Variants in NEK4 observed in about 807,000 individuals in gnomAD.
NEK4 encodes the protein NIMA related kinase 4.
A neutral mutation model predicts 98.4 loss-of-function variants in NEK4; 86 were observed. The ratio of observed to expected loss-of-function variants is 0.87; its 90% confidence interval spans 0.73 to 1.05. The LOEUF is 1.05. Among genes scored for constraint, NEK4 ranks in the 50% least tolerant of loss-of-function variants. NEK4 has a pLI of 0.00. For synonymous variants in NEK4, 328 were observed against 342.2 expected, an observed-to-expected ratio of 0.96 and a Z score of 0.46; for missense variants, 898 against 950.3, an observed-to-expected ratio of 0.94 and a Z score of 0.72.
At position 52,710,907 on chromosome 3, in the gene NEK4, TAATAA is replaced by T. The variant is rs1173559797; in HGVS notation, c.*865_*869del. 1 of 152,476 alleles carries T rather than the reference TAATAA, an allele frequency of 6.6e-6. No individual in the cohort carries two copies. Among genetic ancestry groups the T allele is most frequent in the Non-Finnish European group, 1.5e-5 (1 of 68,026 alleles). 9.4% of individuals were successfully genotyped at this position (152,476 alleles called of 1,614,324 possible). On this transcript the variant is annotated 3_prime_UTR_variant, in exon 16 of 16. Coordinates refer to ENST00000233027, the MANE Select transcript of NEK4 (RefSeq NM_003157.6). Reference sequence around the variant, plus strand: ...TGGGTATTACCTCTTATTAAACAACTAATAAAATATGTGCTATATAATCATACATT... The same window carrying T: ...TGGGTATTACCTCTTATTAAACAACTAATATGTGCTATATAATCATACATT...
In NEK4 at chr3:52,746,774, T is replaced by C. The variant is rs1485180318; in HGVS notation, c.1637A>G (p.His546Arg). Residue 546 changes from histidine to arginine, a missense_variant, in exon 9 of 16, where the codon CAC becomes CGC. His to Arg is a conservative substitution (Grantham distance 29, BLOSUM62 0). Coordinates refer to ENST00000233027, the MANE Select transcript of NEK4 (RefSeq NM_003157.6). ...RRQKRREQTE[H>R]RGEKRQVRRD... is the part of the protein sequence containing the mutation. Reference sequence around the variant, plus strand: ...GCGGACCTGTCTCTTTTCCCCTCTGTGCTCAGTCTGTTCTCTCCTCTTTTG... The same window carrying C: ...GCGGACCTGTCTCTTTTCCCCTCTGCGCTCAGTCTGTTCTCTCCTCTTTTG... 3.1e-6 allele frequency: 5 copies of C among 1,614,010 alleles called. No individual in the cohort carries two copies. Among genetic ancestry groups the C allele is most frequent in the Non-Finnish European group, 4.2e-6 (5 of 1,180,006 alleles).
At chr3:52,751,905 A>T (rs1267323777) in intron 7 of NEK4, 27 bp downstream of exon 7, 1 of 1,580,156 alleles carries the variant, frequency 6.3e-7, no homozygotes, top group Admixed American at 1.8e-5. Context: ...CTCCAAAACC[A>T]GTATCTCATG....
chr3:52,770,555 A>T, intron 1 of NEK4, 99 bp downstream of exon 1: 4 of 866,428 alleles, frequency 4.6e-6, no homozygotes, highest in Non-Finnish European at 1.8e-6. Flanking sequence ...GCCATCCGAG[A>T]TGAGCCTCTT....
intron 6 of NEK4, among the ~76,000 whole-genome samples, chr3:52,758,658 A>G (rs1399957733): frequency 6.6e-6 from 1 of 152,076 alleles, no homozygotes; most frequent in Non-Finnish European, 1.5e-5. Flanking sequence ...TAAAAACAAA[A>G]AAAAAAATTT....
Position 52,731,484 on chromosome 3 carries a change from G to A in NEK4, c.2433+6102C>T, listed in dbSNP as rs536045121. ...GATAGATATATAGATCAGCGGAATA[G>A]AAATGAGAGTCCAGAAATAAGCCCA... On this transcript the variant is annotated intron_variant, in intron 15 of 15. Transcript: ENST00000233027. Among the ~76,000 whole-genome samples the A allele has an allele frequency of 3.9e-5, 6 of 152,316 alleles. No individual in the cohort carries two copies. The South Asian group carries it at 1.2e-3, about 32-fold the overall frequency.
intron 15 of NEK4, among the ~76,000 whole-genome samples, chr3:52,718,146 C>CT (rs993919018): frequency 2.6e-5 from 4 of 151,870 alleles, no homozygotes; most frequent in African/African-American, 9.7e-5. Flanking sequence ...TCTTTTCCTC[C>CT]TTTTTCCCAC....
intron 15 of NEK4, chr3:52,733,779 C>A: frequency 2.3e-6 from 1 of 432,358 alleles, no homozygotes; most frequent in South Asian, 1.7e-5. Flanking sequence ...AAGTGTAATT[C>A]ATGTGGCAAG....
chr3:52,747,089 A>C (rs966788788), intron 8 of NEK4, among the ~76,000 whole-genome samples, 185 bp from the exon 9 acceptor site: 3 of 152,196 alleles, frequency 2.0e-5, no homozygotes, highest in Admixed American at 2.0e-4. Context: ...ATCACAATGT[A>C]AAGTTCACAA....
rs757250522 is a variant in NEK4, at chr3:52,768,541, C to G, written c.157G>C (p.Glu53Gln). The G allele has an allele frequency of 3.1e-6, 5 of 1,614,068 alleles. No homozygotes were observed. The African/African-American group carries it at 6.7e-5, about 22-fold the overall frequency. ...TTCAACTGAGACAAGAGCTGGGCTT[C>G]CTGTTCAGCAGCTCGCCGCTCTCGG... ...SSRERRAAEQ[E>Q]AQLLSQLKHP... The change falls in exon 2 of 16, where the codon GAA (glutamate) becomes CAA (glutamine). Residue 53 changes from glutamate to glutamine, a missense_variant. Coordinates refer to ENST00000233027, the MANE Select transcript of NEK4 (RefSeq NM_003157.6).
At chr3:52,752,918 AT>A (rs1332242125) in intron 6 of NEK4, among the ~76,000 whole-genome samples, 125 of 103,190 alleles carry the variant, frequency 1.2e-3, no homozygotes, top group African/African-American at 3.1e-3. Context: ...AAAAAAAAAA[AT>A]ATATATATAT....
At chr3:52,753,816 CT>C (rs2097409785) in intron 6 of NEK4, 3 of 462,458 alleles carry the variant, frequency 6.5e-6, no homozygotes, top group Admixed American at 2.5e-5. Context: ...GTGCAGCCAT[CT>C]TATCCCTCTG....
intron 6 of NEK4, among the ~76,000 whole-genome samples, chr3:52,752,929 T>TACACACACAC (rs1215610708): frequency 6.0e-4 from 30 of 49,740 alleles, no homozygotes; most frequent in South Asian, 3.2e-3. Flanking sequence ...TATATATATA[T>TACACACACAC]ATATACACAC....
chr3:52,739,317 T>G, intron 14 of NEK4, 112 bp downstream of exon 14: 1 of 829,806 alleles, frequency 1.2e-6, no homozygotes, highest in Non-Finnish European at 2.0e-6. Context: ...GAGAATCGCT[T>G]GAACCCGGGA....
Position 52,763,747 on chromosome 3 carries a change from T to A in NEK4, c.667-123A>T. ...CCACATAAGCAGAAAACAATCAGTA[T>A]ATTAGTCTACAGGAAGTGTACTGGT... On this transcript the variant is annotated intron_variant, in intron 4 of 15. Transcript: ENST00000233027. 6 of 650,880 alleles carry A rather than the reference T, an allele frequency of 9.2e-6. 1 individual carries two copies. In the South Asian group the frequency reaches 1.2e-4, roughly 13 times the overall value. 40.3% of individuals were successfully genotyped at this position (650,880 alleles called of 1,614,324 possible). A position where few individuals can be genotyped will look rare whatever the true frequency, so the allele number is the denominator to read the frequency against.
intron 15 of NEK4, among the ~76,000 whole-genome samples, chr3:52,715,371 C>A (rs1009893856): frequency 6.6e-6 from 1 of 152,166 alleles, no homozygotes; most frequent in Non-Finnish European, 1.5e-5. Flanking sequence ...GTGCCCCCTG[C>A]GGATCTCCTC....
In NEK4 at chr3:52,752,315, G is replaced by A. The variant is rs764732912; in HGVS notation, c.985C>T (p.Gln329Ter). ...YIMGEGKCLS[Q>*]EKPRASGLLK... is the part of the protein sequence containing the mutation. ...AGACCAGAGGCCCTGGGTTTCTCCTGGGACAAACATTTGCCTTCACCCTGA... is the reference window on the plus strand; with the variant it reads ...AGACCAGAGGCCCTGGGTTTCTCCTAGGACAAACATTTGCCTTCACCCTGA... Residue 329 changes from glutamine (Q) to a stop codon, truncating the protein, a stop_gained, in exon 7 of 16, where the codon CAG becomes TAG. Transcript: ENST00000233027. LOFTEE classifies it high-confidence loss of function. 3.2e-5 allele frequency: 51 copies of A among 1,613,218 alleles called. No individual in the cohort carries two copies. Among genetic ancestry groups the A allele is most frequent in the Middle Eastern group, 1.6e-4 (1 of 6,082 alleles).
At chr3:52,746,414 G>A (rs1294859060) in intron 9 of NEK4, among the ~76,000 whole-genome samples, 1 of 152,180 alleles carries the variant, frequency 6.6e-6, no homozygotes, top group Non-Finnish European at 1.5e-5. Context: ...CTAGAAATGA[G>A]ATGTCAACAT....
At chr3:52,755,545 TAATAA>T (rs1369274152) in intron 6 of NEK4, among the ~76,000 whole-genome samples, 3 of 150,304 alleles carry the variant, frequency 2.0e-5, no homozygotes, top group African/African-American at 7.4e-5. Context: ...ATTCATAACA[TAATAA>T]AAGTCATATA....
chr3:52,750,162 G>A (rs538659178), intron 7 of NEK4, among the ~76,000 whole-genome samples: 155 of 152,272 alleles, frequency 1.0e-3, no homozygotes, highest in Middle Eastern at 3.4e-3. Context: ...GTTCATAGCC[G>A]CATTATCCAC....
Sources: gnomAD v4.1 joint callset for allele counts (sites outside exome capture counted in the v4.1 genomes callset) on GRCh38, gnomAD v4.1.1 for gene constraint, MANE v1.5 for transcripts, NCBI Gene and HGNC (gene_info 2026-07-23, HGNC 2026-07-21) for gene names.